The following TRERF1 variants were observed in gnomAD, a reference collection of about 807,000 sequenced individuals.
TRERF1 encodes transcriptional regulating factor 1, also known as transcriptional-regulating factor 1.
Under a neutral mutation model 122.9 loss-of-function variants are expected in TRERF1, and 27 were observed. The observed-to-expected ratio is 0.22, with a 90% CI of 0.16 to 0.30. The LOEUF is 0.30. Among genes scored for constraint, TRERF1 ranks in the 10% least tolerant of loss-of-function variants. TRERF1 has a pLI of 1.00. For synonymous variants in TRERF1, 636 were observed against 641.7 expected, an observed-to-expected ratio of 0.99 and a Z score of 0.13; for missense variants, 1,248 against 1,560.3, an observed-to-expected ratio of 0.80 and a Z score of 3.37.
chr6:42,422,109 T>G (rs905485825), intron 2 of TRERF1, among the ~76,000 whole-genome samples: 1 of 151,570 alleles, frequency 6.6e-6, no homozygotes, highest in African/African-American at 2.4e-5. Flanking sequence ...GAGACAGAGG[T>G]TGCAGTGAGC....
intron 2 of TRERF1, among the ~76,000 whole-genome samples, chr6:42,430,284 C>A (rs1371929755): frequency 6.6e-6 from 1 of 152,082 alleles, no homozygotes; most frequent in South Asian, 2.1e-4. Flanking sequence ...GCTCAAAGCC[C>A]TCTCAGACTT....
At chr6:42,307,043 T>C (rs760921118) in intron 3 of TRERF1, among the ~76,000 whole-genome samples, 1 of 152,112 alleles carries the variant, frequency 6.6e-6, no homozygotes, top group African/African-American at 2.4e-5. Flanking sequence ...GTGGTTGTGA[T>C]ATGTGGCCAA....
intron 13 of TRERF1, among the ~76,000 whole-genome samples, chr6:42,253,426 T>C (rs1007832680): frequency 2.6e-5 from 4 of 152,154 alleles, no homozygotes; most frequent in African/African-American, 9.7e-5. Context: ...GGACAGCCTC[T>C]CAGGGTTCAA....
intron 2 of TRERF1, among the ~76,000 whole-genome samples, chr6:42,421,828 T>A (rs1408177189): frequency 6.6e-6 from 1 of 151,940 alleles, no homozygotes; most frequent in Admixed American, 6.6e-5. Flanking sequence ...CTGGTCTTGA[T>A]CACTAACTTG....
At position 42,268,207 on chromosome 6, in the gene TRERF1, T is replaced by C. The variant is rs2149889376; in HGVS notation, c.1384A>G (p.Asn462Asp). Reference sequence around the variant, plus strand: ...TGCTGATGCTGAGGCCCCATGTTGTTGAGGTGGATCCCACTGGGGGATAGG... The same window carrying C: ...TGCTGATGCTGAGGCCCCATGTTGTCGAGGTGGATCCCACTGGGGGATAGG... The change falls in exon 5 of 18, where the codon AAC becomes GAC. Residue 462 changes from asparagine to aspartate, a missense_variant. Coordinates refer to ENST00000372922, the Ensembl canonical transcript of TRERF1. This position sits in a 1 kb window ranked among gnomAD's most constrained non-coding sequence, Gnocchi z 4.4. The C allele has an allele frequency of 1.4e-6, 2 of 1,472,952 alleles. No homozygotes were observed. The highest frequency in any genetic ancestry group is 1.8e-4 in the Middle Eastern group (1 of 5,446). 91.2% of individuals were successfully genotyped at this position (1,472,952 alleles called of 1,614,324 possible).
At chr6:42,265,911 G>C in intron 5 of TRERF1, 114 bp from the exon 6 acceptor site, 1 of 1,105,828 alleles carries the variant, frequency 9.0e-7, no homozygotes, top group East Asian at 2.6e-5. Context: ...TCTTTCTGCT[G>C]TCTGCTTCGT....
chr6:42,344,270 G>A (rs910639000), intron 3 of TRERF1, among the ~76,000 whole-genome samples: 7 of 152,134 alleles, frequency 4.6e-5, no homozygotes, highest in African/African-American at 1.2e-4. Context: ...TGTCCTCTTC[G>A]CAGGTCAGGT....
intron 2 of TRERF1, among the ~76,000 whole-genome samples, chr6:42,372,657 T>C (rs1226437070): frequency 1.3e-5 from 2 of 152,100 alleles, no homozygotes; most frequent in East Asian, 3.9e-4. Context: ...CCAGACAACA[T>C]CCCAAGGGAT....
rs3074797 is a variant in TRERF1, at chr6:42,288,574, C to CAA, written c.-259+12062_-259+12063dup. On this transcript the variant is annotated intron_variant, in intron 4 of 17. Transcript: ENST00000372922. ...CAAGAGCGAAACTCCATCTCAAAAC[C>CAA]AAAAAAAAAAAAAAAAAAAAAAGAG... Among the ~76,000 whole-genome samples the CAA allele has an allele frequency of 5.6e-3, 480 of 86,424 alleles. 5 individuals are homozygous for CAA. In the East Asian group the frequency reaches 0.062, roughly 11 times the overall value. The allele number at this position is 86,424 out of a possible 152,430, so 56.7% of individuals were successfully genotyped here.
Position 42,228,708 on chromosome 6 carries a change from G to A in TRERF1, c.3279-39C>T, listed in dbSNP as rs1458688593. On this transcript the variant is annotated intron_variant, in intron 17 of 17. Transcript: ENST00000372922. The surrounding 1 kb of genome is among the most constrained non-coding windows in gnomAD (Gnocchi z 4.2). ...AAGAGAGGTGTGTAGAATTTAGAAG[G>A]AGATCTGAGTTCTTGGAAATCCAGG... The A allele has an allele frequency of 1.3e-6, 2 of 1,538,538 alleles. No homozygotes were observed. The highest frequency in any genetic ancestry group is 2.8e-5 in the African/African-American group (2 of 72,382).
At chr6:42,293,017 T>A (rs1428044777) in intron 4 of TRERF1, among the ~76,000 whole-genome samples, 4 of 152,298 alleles carry the variant, frequency 2.6e-5, no homozygotes, top group African/African-American at 9.6e-5. Flanking sequence ...CATCCCCCTT[T>A]AAGGAACTGG....
rs1777482693 is a variant in TRERF1, at chr6:42,259,735, A to G, written c.1885-12T>C. 6.2e-7 allele frequency: 1 copy of G among 1,600,434 alleles called. No individual in the cohort carries two copies. Among genetic ancestry groups the G allele is most frequent in the Admixed American group, 1.7e-5 (1 of 59,982 alleles). On this transcript the variant is annotated splice_polypyrimidine_tract_variant and intron_variant, in intron 8 of 17. Coordinates refer to ENST00000372922, the Ensembl canonical transcript of TRERF1. This position sits in a 1 kb window ranked among gnomAD's most constrained non-coding sequence, Gnocchi z 4.9. ...TTCCTGGGGATTTCCTAAAACCGGA[A>G]CAACGATCTGATTCGAATACTTCAG...
chr6:42,290,736 CTTTCCTT>C (rs1257828655), intron 4 of TRERF1, among the ~76,000 whole-genome samples: 9 of 120,038 alleles, frequency 7.5e-5, no homozygotes, highest in Admixed American at 2.6e-4. Flanking sequence ...TTTTCCATTT[CTTTCCTT>C]TTTTTTTTTT....
chr6:42,314,320 A>G (rs988208852), intron 3 of TRERF1, among the ~76,000 whole-genome samples: 4 of 152,246 alleles, frequency 2.6e-5, no homozygotes, highest in African/African-American at 9.6e-5. Context: ...GCTTTAGAGT[A>G]TGAGTCTACC....
intron 2 of TRERF1, among the ~76,000 whole-genome samples, chr6:42,450,691 G>A (rs1416086375): frequency 1.3e-5 from 2 of 152,192 alleles, no homozygotes; most frequent in African/African-American, 4.8e-5. Context: ...TAACTTCCCA[G>A]TCTCCCAAAC....
At chr6:42,289,346 AC>A (rs112977800) in intron 4 of TRERF1, among the ~76,000 whole-genome samples, 2,147 of 120,304 alleles carry the variant, frequency 0.018, 18 homozygotes, top group South Asian at 0.036. Context: ...AAACAAACAA[AC>A]AAAAAAAAAA....
chr6:42,270,875 C>T (rs559775078), intron 4 of TRERF1, among the ~76,000 whole-genome samples: 103 of 149,476 alleles, frequency 6.9e-4, no homozygotes, highest in South Asian at 2.1e-4. Context: ...TAGGTTCAAG[C>T]GATTCTCCTA....
At chr6:42,367,976 C>T (rs972642452) in intron 2 of TRERF1, among the ~76,000 whole-genome samples, 1 of 152,086 alleles carries the variant, frequency 6.6e-6, no homozygotes, top group Admixed American at 6.5e-5. Context: ...ACTTTGACAC[C>T]CTGCCTGGCC....
At chr6:42,261,531 GC>G (rs5875796) in intron 8 of TRERF1, among the ~76,000 whole-genome samples, 11,543 of 152,000 alleles carry the variant, frequency 0.076, 974 homozygotes, top group African/African-American at 0.2. Flanking sequence ...TTAAAAAGCT[GC>G]CCACAGAGAA....
Sources: allele counts gnomAD v4.1 joint callset (sites outside exome capture counted in the v4.1 genomes callset), GRCh38; gene constraint gnomAD v4.1.1; non-coding constraint Gnocchi (gnomAD v3.1); transcripts MANE v1.5; gene names NCBI Gene and HGNC (gene_info 2026-07-23, HGNC 2026-07-21).